Variants in ARFGEF2 observed in about 807,000 individuals in gnomAD.
ARFGEF2 encodes brefeldin A-inhibited guanine nucleotide-exchange protein 2.
ARFGEF2 carries 74 observed loss-of-function variants against 219.9 expected under a neutral mutation model. The observed-to-expected ratio is 0.34, with a 90% confidence interval of 0.28 to 0.41. The LOEUF (loss-of-function observed/expected upper bound fraction) is 0.41. ARFGEF2 is among the 10% of genes least tolerant of loss of function. The pLI, the probability that ARFGEF2 is intolerant of heterozygous loss-of-function variation, is 1.00. For synonymous variants in ARFGEF2, 733 were observed against 799.2 expected (o/e 0.92, Z 1.40); for missense variants, 1,743 against 2,218.3 (o/e 0.79, Z 4.30).
chr20:48,994,141 C>A (rs2091372622), intron 21 of ARFGEF2, among the ~76,000 whole-genome samples: 1 of 152,026 alleles, frequency 6.6e-6, no homozygotes, highest in Non-Finnish European at 1.5e-5. Context: ...TGAGGTGGGA[C>A]AAGAGATGAC....
intron 12 of ARFGEF2, 37 bp from the exon 13 acceptor site, chr20:48,974,729 C>T (rs1482372293): frequency 3.2e-6 from 5 of 1,550,814 alleles, no homozygotes. Flanking sequence ...CTTCATTTTT[C>T]TGTTAAGTCT....
At chr20:48,957,944 T>A (rs1212976240) in intron 6 of ARFGEF2, among the ~76,000 whole-genome samples, 1 of 152,234 alleles carries the variant, frequency 6.6e-6, no homozygotes, top group Non-Finnish European at 1.5e-5. Flanking sequence ...CTCTTGATGC[T>A]GTTTAAATGG....
intron 16 of ARFGEF2, 90 bp downstream of exon 16, chr20:48,985,703 A>G (rs145807024): frequency 1.5e-6 from 2 of 1,363,362 alleles, no homozygotes; most frequent in Non-Finnish European, 2.1e-6. Flanking sequence ...ATCTTTGTAT[A>G]TCTGTGCCAA....
At position 48,958,663 on chromosome 20, in the gene ARFGEF2, C is replaced by T. The variant is rs150964686; in HGVS notation, c.838+4873C>T. On this transcript the variant is annotated intron_variant, in intron 6 of 38. Coordinates refer to ENST00000371917, the MANE Select transcript of ARFGEF2 (RefSeq NM_006420.3). Reference sequence around the variant, plus strand: ...TTCACCGCGCTAGCCAGGATGGTCTCGATCTCCTGACCTCGTGATCTGCCC... The same window carrying T: ...TTCACCGCGCTAGCCAGGATGGTCTTGATCTCCTGACCTCGTGATCTGCCC... Among the ~76,000 whole-genome samples, 32 of 152,038 alleles carry T rather than the reference C, an allele frequency of 2.1e-4. No homozygotes were observed. The East Asian group carries it at 5.4e-3, about 26-fold the overall frequency.
Position 48,938,967 on chromosome 20 carries a change from G to GTTT in ARFGEF2, c.122-2226_122-2224dup, listed in dbSNP as rs199950635. 4.5e-4 allele frequency among the ~76,000 whole-genome samples: 65 copies of GTTT among 143,124 alleles called. 2 individuals are homozygous for GTTT. The highest frequency in any genetic ancestry group is 1.5e-3 in the East Asian group (7 of 4,600). The allele number at this position is 143,124 out of a possible 152,430, so 93.9% of individuals were successfully genotyped here. On this transcript the variant is annotated intron_variant, in intron 1 of 38. Transcript: ENST00000371917. ...CTTTTGTGTTTGGTTTGTTTTATGG[G>GTTT]TTTTTTTTGTTTGTTTTTTTTTTTT...
At chr20:48,983,242 C>T (rs1266606893) in intron 14 of ARFGEF2, among the ~76,000 whole-genome samples, 3 of 152,134 alleles carry the variant, frequency 2.0e-5, no homozygotes, top group African/African-American at 7.2e-5. Context: ...GGACATTCTC[C>T]CATATAACCA....
rs1318927149 is a variant in ARFGEF2 at position 49,034,790 on chromosome 20, A to C, written c.*1591A>C. 1.3e-5 allele frequency: 2 copies of C among 152,142 alleles called. No homozygotes were observed. Among genetic ancestry groups the C allele is most frequent in the East Asian group, 3.8e-4 (2 of 5,196 alleles). The allele number at this position is 152,142 out of a possible 1,614,324, so 9.4% of individuals were successfully genotyped here. A position where few individuals can be genotyped will look rare whatever the true frequency, so the allele number is the denominator to read the frequency against. The stretch of plus-strand genomic sequence containing the variant: ...TATTCTTAAGTTGTTTTCTTGTTTT[A>C]ACAGCCTTGAGAAATGTTTGGTTTT... On this transcript the variant is annotated 3_prime_UTR_variant, in exon 39 of 39. Transcript: ENST00000371917.
chr20:48,973,143 A>G lies in ARFGEF2; in HGVS notation c.1526-2A>G. The G allele has an allele frequency of 1.5e-5, 24 of 1,614,154 alleles. No individual in the cohort carries two copies. The highest frequency in any genetic ancestry group is 2.0e-5 in the Non-Finnish European group (24 of 1,179,996). ...TCTGATACTTGTATGTTATTTTCCA[A>G]GATGCCCAGTGTGTTGTGGATATTT... On this transcript the variant is annotated splice_acceptor_variant, in intron 11 of 38. Coordinates refer to ENST00000371917, the MANE Select transcript of ARFGEF2 (RefSeq NM_006420.3). LOFTEE classifies it high-confidence loss of function.
chr20:48,951,950 G>A (rs947666556), intron 4 of ARFGEF2, among the ~76,000 whole-genome samples: 13 of 151,962 alleles, frequency 8.6e-5, no homozygotes, highest in African/African-American at 1.2e-4. Flanking sequence ...CATTATGAGG[G>A]GAGGGCTCCA....
At chr20:48,996,637 G>A (rs149396581) in intron 23 of ARFGEF2, among the ~76,000 whole-genome samples, 8 of 150,504 alleles carry the variant, frequency 5.3e-5, no homozygotes, top group African/African-American at 1.7e-4. Context: ...CCAGCTACTC[G>A]GGAGGCTGAG....
chr20:49,016,542 A>G (rs2091531494), intron 31 of ARFGEF2, 127 bp downstream of exon 31: 1 of 1,070,494 alleles, frequency 9.3e-7, no homozygotes, highest in Non-Finnish European at 1.4e-6. Context: ...GGTGAAATGT[A>G]TACGTTTTAA....
chr20:49,023,278 G>A, intron 35 of ARFGEF2, 97 bp downstream of exon 35: 2 of 1,500,896 alleles, frequency 1.3e-6, no homozygotes, highest in South Asian at 1.2e-5. Flanking sequence ...GCTTTCCAGA[G>A]CCTGTCATGC....
Position 48,995,791 on chromosome 20 carries a change from G to A in ARFGEF2, c.3130G>A (p.Val1044Met). 6.2e-7 allele frequency: 1 copy of A among 1,614,070 alleles called. No homozygotes were observed. Among genetic ancestry groups the A allele is most frequent in the Non-Finnish European group, 8.5e-7 (1 of 1,179,962 alleles). Residue 1044 changes from valine to methionine, a missense_variant, in exon 23 of 39, where the codon GTG (valine) becomes ATG (methionine). By Grantham distance (21) the Val-to-Met change is conservative (BLOSUM62 1). Coordinates refer to ENST00000371917, the MANE Select transcript of ARFGEF2 (RefSeq NM_006420.3). Reference sequence around the variant, plus strand: ...TGTGCATTGTGTTTCAGGTAATTTGGTGAGTGGCGGAGTGGATAAAAGACA... The same window carrying A: ...TGTGCATTGTGTTTCAGGTAATTTGATGAGTGGCGGAGTGGATAAAAGACA... ...EFMGLGLGNL[V>M]SGGVDKRQMA... is the part of the protein sequence containing the mutation.
chr20:48,921,752 G>A lies in ARFGEF2; in HGVS notation c.-138G>A. The A allele has an allele frequency of 1.1e-6, 1 of 914,668 alleles. No individual in the cohort carries two copies. Among genetic ancestry groups the A allele is most frequent in the African/African-American group, 1.8e-5 (1 of 56,142 alleles). 56.7% of individuals were successfully genotyped at this position (914,668 alleles called of 1,614,324 possible). ...CGCTCCAACATGGCGGCGCCGTGGG[G>A]CCGAGGTGTCGCTTCCTGACGGGGC... On this transcript the variant is annotated 5_prime_UTR_variant, in exon 1 of 39. Transcript: ENST00000371917.
At chr20:49,024,138 A>G (rs112299374) in intron 35 of ARFGEF2, among the ~76,000 whole-genome samples, 5 of 151,870 alleles carry the variant, frequency 3.3e-5, no homozygotes, top group Non-Finnish European at 2.9e-5. Context: ...TGCCCAGTTA[A>G]TTTTTTACAT....
Position 48,957,512 on chromosome 20 carries a change from G to GT in ARFGEF2, c.838+3722_838+3723insT, listed in dbSNP as rs571281765. 3.1e-3 allele frequency among the ~76,000 whole-genome samples: 476 copies of GT among 152,324 alleles called. 2 individuals are homozygous for GT. The highest frequency in any genetic ancestry group is 0.011 in the African/African-American group (462 of 41,568). ...TAGGGTCTGGTGCCTAATCAGTAGT[G>GT]GTGGTGATATCCCAGGGAAGAGCAG... On this transcript the variant is annotated intron_variant, in intron 6 of 38. Coordinates refer to ENST00000371917, the MANE Select transcript of ARFGEF2 (RefSeq NM_006420.3).
chr20:48,941,930 G>A lies in ARFGEF2; in HGVS notation c.219G>A (p.Glu73=). Residue 73 remains glutamate, a synonymous_variant, in exon 3 of 39, where the codon GAG becomes GAA. Coordinates refer to ENST00000371917, the MANE Select transcript of ARFGEF2 (RefSeq NM_006420.3). ...IEADKYFLPF[E]LACQSKSPRV... ...CTGACAAGTATTTTCTTCCATTCGA[G>A]CTAGCTTGCCAGTCCAAGTCCCCAA... The A allele has an allele frequency of 6.2e-7, 1 of 1,614,182 alleles. No homozygotes were observed. The highest frequency in any genetic ancestry group is 8.5e-7 in the Non-Finnish European group (1 of 1,180,040).
In ARFGEF2 at chr20:48,993,549, C is replaced by T. The variant is rs568077330; in HGVS notation, c.2974-902C>T. 6.6e-5 allele frequency among the ~76,000 whole-genome samples: 10 copies of T among 152,276 alleles called. No individual in the cohort carries two copies. In the South Asian group the frequency reaches 1.0e-3, roughly 16 times the overall value. On this transcript the variant is annotated intron_variant, in intron 21 of 38. Transcript: ENST00000371917. Reference sequence around the variant, plus strand: ...CTCTGGGACTGAGTTGTAAGGTCAGCGTAAAAAGCAACACTGAAGTTCAGT... The same window carrying T: ...CTCTGGGACTGAGTTGTAAGGTCAGTGTAAAAAGCAACACTGAAGTTCAGT...
In ARFGEF2 at chr20:48,989,597, C is replaced by A. The variant is rs747816441; in HGVS notation, c.2727C>A (p.Leu909=). The A allele has an allele frequency of 6.2e-7, 1 of 1,614,186 alleles. No homozygotes were observed. Among genetic ancestry groups the A allele is most frequent in the Non-Finnish European group, 8.5e-7 (1 of 1,180,038 alleles). Residue 909 remains leucine, a synonymous_variant, in exon 20 of 39, where the codon CTC becomes CTA. Transcript: ENST00000371917. Reference sequence around the variant, plus strand: ...TATTGGCAGCCTACAGCATCGGACTCCAGAACTGTGATGACACTGAAGTGG... The same window carrying A: ...TATTGGCAGCCTACAGCATCGGACTACAGAACTGTGATGACACTGAAGTGG... ...TPLLAAYSIG[L]QNCDDTEVAS...
Sources: gnomAD v4.1 joint callset for allele counts (sites outside exome capture counted in the v4.1 genomes callset) on GRCh38, gnomAD v4.1.1 for gene constraint, MANE v1.5 for transcripts, NCBI Gene and HGNC (gene_info 2026-07-23, HGNC 2026-07-21) for gene names.